ERBB3: variants seen among roughly 807,000 people sequenced by gnomAD.
ERBB3 encodes the protein erb-b2 receptor tyrosine kinase 3, also known as receptor tyrosine-protein kinase erbB-3.
Under a neutral mutation model 156.7 loss-of-function variants are expected in ERBB3, and 96 were observed. The ratio of observed to expected loss-of-function variants is 0.61; its 90% CI spans 0.52 to 0.73. ERBB3 has a LOEUF of 0.73. Among genes scored for constraint, ERBB3 ranks in the 30% least tolerant of loss-of-function variants. ERBB3 has a pLI of 0.00. For missense variants in ERBB3, 1,406 were observed against 1,709.4 expected, an observed-to-expected ratio of 0.82 and a Z score of 3.13; for synonymous variants, 567 against 632.0, an observed-to-expected ratio of 0.90 and a Z score of 1.54.
chr12:56,083,624 G>A, intron 1 of ERBB3, 127 bp from the exon 2 acceptor site: 1 of 1,043,148 alleles, frequency 9.6e-7, no homozygotes, highest in Non-Finnish European at 1.5e-6. Flanking sequence ...AGGGTTGGAG[G>A]CAAATGCCAT....
intron 17 of ERBB3, chr12:56,096,093 G>C: frequency 1.9e-6 from 1 of 539,642 alleles, no homozygotes; most frequent in East Asian, 3.3e-5. Context: ...CTGTGCCTCG[G>C]TTTATGCATC....
intron 16 of ERBB3, 97 bp from the exon 17 acceptor site, chr12:56,095,568 G>T: frequency 7.1e-7 from 1 of 1,411,640 alleles, no homozygotes; most frequent in Non-Finnish European, 1.0e-6. Flanking sequence ...TTAATTTCTT[G>T]CCCCAGGTCA....
rs1297712985 is a variant in ERBB3, at chr12:56,100,010, C to T, written c.3110C>T (p.Thr1037Ile). 1 of 1,614,254 alleles carries T rather than the reference C, an allele frequency of 6.2e-7. No individual in the cohort carries two copies. The highest frequency in any genetic ancestry group is 1.7e-5 in the Admixed American group (1 of 60,032). ...TCCGCCCTCAGCCTACCAGTTGGAA[C>T]ACTTAATCGGCCACGTGGGGTAAGA... Reference protein sequence around the residue: ...LGSALSLPVGTLNRPRGSQSL... With the variant: ...LGSALSLPVGILNRPRGSQSL... The change falls in exon 25 of 28, where the codon ACA becomes ATA. Residue 1037 changes from threonine (T) to isoleucine (I), a missense_variant. Physicochemically the swap from Thr to Ile is moderately conservative, Grantham distance 89 (BLOSUM62 -1). Around this residue, in one of 3 missense-constraint regions of ERBB3, gnomAD observed 415 missense variants for 454.1 expected, o/e 0.91. Transcript: ENST00000267101.
Position 56,096,598 on chromosome 12 carries a change from G to A in ERBB3, c.2151G>A (p.Ser717=), listed in dbSNP as rs755700670. The change falls in exon 18 of 28, where the codon TCG becomes TCA. Residue 717 remains serine (S), a synonymous_variant. Coordinates refer to ENST00000267101, the MANE Select transcript of ERBB3 (RefSeq NM_001982.4). ...TAAGGAAGCTTAAAGTGCTTGGCTC[G>A]GGTGTCTTTGGAACTGTGCACAAAG... ...TELRKLKVLG[S]GVFGTVHKGV... The A allele has an allele frequency of 5.6e-6, 9 of 1,614,042 alleles. No individual in the cohort carries two copies. In the East Asian group the frequency reaches 8.9e-5, roughly 16 times the overall value.
In ERBB3 at chr12:56,102,612, A is replaced by G; in HGVS notation, c.*557A>G. On this transcript the variant is annotated 3_prime_UTR_variant, in exon 28 of 28. Transcript: ENST00000267101. ...AGGCATCATACTAAACTTCACCTAC[A>G]TTATCTCACTTAGTCCTTTATCATC... 4.3e-6 allele frequency: 1 copy of G among 234,370 alleles called. No homozygotes were observed. The highest frequency in any genetic ancestry group is 8.4e-6 in the Non-Finnish European group (1 of 118,888). The allele number at this position is 234,370 out of a possible 1,614,324, so 14.5% of individuals were successfully genotyped here.
At position 56,093,055 on chromosome 12, in the gene ERBB3, T is replaced by C. The variant is rs141230043; in HGVS notation, c.1253T>C (p.Ile418Thr). The part of the protein sequence containing the change: ...NFSVFSNLTT[I>T]GGRSLYNRGF... ...AGTGTTTTTTCCAATTTGACAACCATTGGAGGCAGAAGCCTCTACAAGTGA... is the reference window on the plus strand; with the variant it reads ...AGTGTTTTTTCCAATTTGACAACCACTGGAGGCAGAAGCCTCTACAAGTGA... The change falls in exon 11 of 28, where the codon ATT becomes ACT. Residue 418 changes from isoleucine (I) to threonine (T), a missense_variant. Coordinates refer to ENST00000267101, the MANE Select transcript of ERBB3 (RefSeq NM_001982.4). 39 of 1,613,816 alleles carry C rather than the reference T, an allele frequency of 2.4e-5. No homozygotes were observed. Among genetic ancestry groups the C allele is most frequent in the African/African-American group, 4.0e-5 (3 of 74,908 alleles).
chr12:56,091,304 T>TTATAA (rs1868687610), intron 9 of ERBB3, among the ~76,000 whole-genome samples: 5 of 55,170 alleles, frequency 9.1e-5, no homozygotes, highest in African/African-American at 3.5e-4. Context: ...ATAAATAATA[T>TTATAA]ATATAAATAT....
chr12:56,089,004 A>T (rs1303773203), intron 9 of ERBB3, 136 bp downstream of exon 9: 1 of 1,190,346 alleles, frequency 8.4e-7, no homozygotes, highest in South Asian at 1.2e-5. Flanking sequence ...AAAGGACCTG[A>T]AAGAATGCTT....
rs1488777345 is a variant in ERBB3 at position 56,099,641 on chromosome 12, T to C, written c.2840-7T>C. 1.9e-6 allele frequency: 3 copies of C among 1,611,962 alleles called. No homozygotes were observed. Among genetic ancestry groups the C allele is most frequent in the Non-Finnish European group, 8.5e-7 (1 of 1,178,324 alleles). ...TTATGTCTCTACCTCCTACATCTTA[T>C]CTCCAGGTTGGATGATTGATGAGAA... On this transcript the variant is annotated splice_polypyrimidine_tract_variant and splice_region_variant and intron_variant, in intron 23 of 27. Transcript: ENST00000267101.
At position 56,090,205 on chromosome 12, in the gene ERBB3, G is replaced by A. The variant is rs185362695; in HGVS notation, c.1109+1337G>A. On this transcript the variant is annotated intron_variant, in intron 9 of 27. Transcript: ENST00000267101. ...AGTAGAGACAGGGTTTCACCATGTAGGCCAGGCTGGTCTCGAACTCCTGAC... is the reference window on the plus strand; with the variant it reads ...AGTAGAGACAGGGTTTCACCATGTAAGCCAGGCTGGTCTCGAACTCCTGAC... Among the ~76,000 whole-genome samples the A allele has an allele frequency of 9.7e-3, 1,477 of 151,824 alleles. 10 individuals are homozygous for A. Among genetic ancestry groups the A allele is most frequent in the South Asian group, 0.019 (92 of 4,792 alleles).
intron 4 of ERBB3, 68 bp downstream of exon 4, chr12:56,086,724 T>C: frequency 6.3e-7 from 1 of 1,596,494 alleles, no homozygotes; most frequent in Non-Finnish European, 8.6e-7. Context: ...CTTTCCATCA[T>C]CCTTACATTC....
At chr12:56,092,112 A>G (rs1353400687) in intron 9 of ERBB3, among the ~76,000 whole-genome samples, 3 of 149,596 alleles carry the variant, frequency 2.0e-5, no homozygotes, top group South Asian at 2.1e-4. Flanking sequence ...AAAAAAGGCC[A>G]GGTGCAGTGG....
intron 15 of ERBB3, 25 bp from the exon 16 acceptor site, chr12:56,095,232 T>A (rs763471956): frequency 6.3e-7 from 1 of 1,591,832 alleles, no homozygotes; most frequent in South Asian, 1.1e-5. Context: ...AAGCTCTCAT[T>A]TAAGGTGGTG....
At chr12:56,090,709 C>T (rs1434877875) in intron 9 of ERBB3, among the ~76,000 whole-genome samples, 2 of 152,124 alleles carry the variant, frequency 1.3e-5, no homozygotes, top group African/African-American at 4.8e-5. Flanking sequence ...TACACACACA[C>T]ACACACACAC....
intron 19 of ERBB3, 56 bp downstream of exon 19, chr12:56,096,902 C>G (rs1868907180): frequency 6.9e-7 from 1 of 1,439,668 alleles, no homozygotes; most frequent in Non-Finnish European, 9.8e-7. Context: ...TAGATACAAT[C>G]ATGTAGAAGC....
intron 7 of ERBB3, among the ~76,000 whole-genome samples, 159 bp downstream of exon 7, chr12:56,088,321 T>C (rs1319064367): frequency 6.6e-6 from 1 of 152,156 alleles, no homozygotes; most frequent in Non-Finnish European, 1.5e-5. Context: ...TTACGTCCAG[T>C]CCTCCCATGA....
chr12:56,100,333 G>C (rs1869048052), intron 26 of ERBB3, 88 bp downstream of exon 26: 1 of 1,138,572 alleles, frequency 8.8e-7, no homozygotes, highest in Non-Finnish European at 1.3e-6. Flanking sequence ...GGTTTAATCA[G>C]TGTCCTGCAA....
At chr12:56,095,115 G>A (rs1474424999) in intron 15 of ERBB3, 142 bp from the exon 16 acceptor site, 8 of 715,052 alleles carry the variant, frequency 1.1e-5, no homozygotes, top group Non-Finnish European at 2.1e-5. Context: ...AGCTGGAGGT[G>A]GAGGCCATGT....
chr12:56,089,529 C>T (rs1051408840), intron 9 of ERBB3, among the ~76,000 whole-genome samples: 4 of 152,038 alleles, frequency 2.6e-5, no homozygotes, highest in East Asian at 1.9e-4. Flanking sequence ...GGGCGGATTA[C>T]GAGGTCAGAT....
Sources: allele counts gnomAD v4.1 joint callset (sites outside exome capture counted in the v4.1 genomes callset), GRCh38; gene constraint gnomAD v4.1.1; regional missense constraint gnomAD v4.1.1; transcripts MANE v1.5; gene names NCBI Gene and HGNC (gene_info 2026-07-23, HGNC 2026-07-21).